CDH18: variants seen among roughly 807,000 people sequenced by gnomAD.
CDH18 encodes cadherin 18.
CDH18 carries 31 observed loss-of-function variants against 67.9 expected under a neutral mutation model. That is an observed-to-expected ratio of 0.46 (90% CI 0.34 to 0.62). The LOEUF (loss-of-function observed/expected upper bound fraction) is 0.62. CDH18 is among the 20% of genes least tolerant of loss of function. CDH18 has a pLI of 0.01. For missense variants in CDH18, 890 were observed against 975.5 expected (o/e 0.91, Z 1.17); for synonymous variants, 362 against 347.2 (o/e 1.04, Z -0.48).
intron 1 of CDH18, among the ~76,000 whole-genome samples, chr5:20,546,400 TA>T (rs34438337): frequency 3.3e-5 from 5 of 151,088 alleles, no homozygotes; most frequent in Admixed American, 2.0e-4. Context: ...CACACTACTA[TA>T]AAAAAAAACT....
chr5:20,282,458 T>A (rs1030495454), intron 1 of CDH18, among the ~76,000 whole-genome samples: 2 of 152,174 alleles, frequency 1.3e-5, no homozygotes, highest in Non-Finnish European at 2.9e-5. Context: ...CTTTTCTGCA[T>A]CTACTGAGAT....
rs139498181 is a variant in CDH18 at position 20,278,275 on chromosome 5, CAAAT to C, written c.-579-22774_-579-22771del. On this transcript the variant is annotated intron_variant, in intron 1 of 14. Coordinates refer to the CDH18 transcript ENST00000507958. ...CCTAAAAGCAGCAAGAGAAAAGAAA[CAAAT>C]AACATAGGATGGATCTCCAACACAC... Among the ~76,000 whole-genome samples the C allele has an allele frequency of 3.9e-3, 599 of 151,896 alleles. 7 individuals are homozygous for C. The highest frequency in any genetic ancestry group is 0.014 in the African/African-American group (574 of 41,444).
At chr5:19,866,084 T>C (rs1785456364) in intron 2 of CDH18, among the ~76,000 whole-genome samples, 1 of 152,154 alleles carries the variant, frequency 6.6e-6, no homozygotes, top group African/African-American at 2.4e-5. Flanking sequence ...GCTCATTGTT[T>C]AAGGCATAAA....
intron 1 of CDH18, among the ~76,000 whole-genome samples, chr5:20,355,050 C>T (rs1741500536): frequency 1.3e-5 from 2 of 152,200 alleles, no homozygotes; most frequent in Non-Finnish European, 2.9e-5. Context: ...TAGGCCCACA[C>T]TGCATCTTTC....
chr5:19,843,993 A>T (rs968654394), intron 2 of CDH18, among the ~76,000 whole-genome samples: 1 of 152,066 alleles, frequency 6.6e-6, no homozygotes, highest in African/African-American at 2.4e-5. Flanking sequence ...TTATCCAATG[A>T]CTCTATCCCC....
chr5:19,483,344 TG>T lies in CDH18; in HGVS notation c.1838del (p.Thr613LysfsTer4). 1 of 1,614,124 alleles carries T rather than the reference TG, an allele frequency of 6.2e-7. No homozygotes were observed. The highest frequency in any genetic ancestry group is 8.5e-7 in the Non-Finnish European group (1 of 1,179,996). On this transcript the variant is annotated frameshift_variant, in exon 12 of 13. Coordinates refer to ENST00000382275, the MANE Select transcript of CDH18 (RefSeq NM_004934.5). LOFTEE classifies it high-confidence loss of function. ...EAFLSSAGLSTGALIAILLCV... is the reference protein window; with the variant it reads ...EAFLSSAGLSXGALIAILLCV... The stretch of plus-strand genomic sequence containing the variant: ...AGAGAAGAATAGCGATTAAGGCTCC[TG>T]TACTCAAACCAGCCGAGGACAGGAA...
At chr5:19,928,547 A>C (rs1793338451) in intron 2 of CDH18, among the ~76,000 whole-genome samples, 1 of 152,160 alleles carries the variant, frequency 6.6e-6, no homozygotes, top group African/African-American at 2.4e-5. Context: ...GTATATCCAT[A>C]CATGCTACAC....
At chr5:19,592,724 A>G (rs1294290822) in intron 6 of CDH18, among the ~76,000 whole-genome samples, 1 of 152,178 alleles carries the variant, frequency 6.6e-6, no homozygotes, top group East Asian at 1.9e-4. Flanking sequence ...TCTACACAAC[A>G]CAGCCTTGCT....
chr5:19,682,516 G>T (rs998324784), intron 5 of CDH18, among the ~76,000 whole-genome samples: 1 of 151,962 alleles, frequency 6.6e-6, no homozygotes, highest in Non-Finnish European at 1.5e-5. Flanking sequence ...GTCACAGAGT[G>T]GGCTGAGTCC....
intron 1 of CDH18, among the ~76,000 whole-genome samples, chr5:20,480,340 A>G (rs538005554): frequency 6.6e-6 from 1 of 152,204 alleles, no homozygotes; most frequent in Non-Finnish European, 1.5e-5. Context: ...ACTTTTCAAG[A>G]CATAGACAGT....
intron 2 of CDH18, among the ~76,000 whole-genome samples, chr5:19,895,513 T>C (rs1369845179): frequency 1.3e-5 from 2 of 152,140 alleles, no homozygotes; most frequent in Non-Finnish European, 2.9e-5. Context: ...CTCCTGGGTA[T>C]TGATCCCAGA....
intron 12 of CDH18, among the ~76,000 whole-genome samples, chr5:19,479,715 C>G (rs921498723): frequency 3.3e-5 from 5 of 152,064 alleles, no homozygotes; most frequent in Admixed American, 3.3e-4. Context: ...CTTACGGTGG[C>G]CTCACCTAGG....
chr5:19,946,931 T>C (rs1034450396), intron 2 of CDH18, among the ~76,000 whole-genome samples: 2 of 152,004 alleles, frequency 1.3e-5, no homozygotes, highest in Non-Finnish European at 2.9e-5. Flanking sequence ...GGTTAAATAT[T>C]CAAAAATCAA....
chr5:19,936,096 G>C (rs1012361279), intron 2 of CDH18, among the ~76,000 whole-genome samples: 1 of 151,368 alleles, frequency 6.6e-6, no homozygotes, highest in Non-Finnish European at 1.5e-5. Context: ...GAGGCTTTAA[G>C]TTTTAATAAT....
intron 2 of CDH18, among the ~76,000 whole-genome samples, chr5:20,141,338 G>A (rs1750225099): frequency 6.6e-6 from 1 of 152,136 alleles, no homozygotes; most frequent in South Asian, 2.1e-4. Flanking sequence ...GAGTAGGAAG[G>A]ATAATAGTAA....
chr5:19,772,570 C>T (rs1773853230), intron 3 of CDH18, among the ~76,000 whole-genome samples: 1 of 152,110 alleles, frequency 6.6e-6, no homozygotes, highest in Non-Finnish European at 1.5e-5. Flanking sequence ...ACCTTGATTC[C>T]AGAAATTGTG....
At chr5:20,050,135 C>A (rs1741283139) in intron 2 of CDH18, among the ~76,000 whole-genome samples, 2 of 151,702 alleles carry the variant, frequency 1.3e-5, no homozygotes, top group Admixed American at 1.3e-4. Context: ...CTCCTGACTG[C>A]CACAGGATAG....
intron 12 of CDH18, among the ~76,000 whole-genome samples, chr5:19,482,558 C>T (rs1299503032): frequency 6.6e-6 from 1 of 152,054 alleles, no homozygotes; most frequent in Admixed American, 6.6e-5. Context: ...GAAGTTTCTA[C>T]AAGTTATCTA....
At chr5:20,490,810 A>G (rs540332360) in intron 1 of CDH18, among the ~76,000 whole-genome samples, 2 of 152,304 alleles carry the variant, frequency 1.3e-5, no homozygotes, top group East Asian at 3.9e-4. Context: ...AGGTTCATGT[A>G]AATAAATGAG....
Sources: gnomAD v4.1 joint callset for allele counts (sites outside exome capture counted in the v4.1 genomes callset) on GRCh38, gnomAD v4.1.1 for gene constraint, MANE v1.5 for transcripts, NCBI Gene and HGNC (gene_info 2026-07-23, HGNC 2026-07-21) for gene names.